Variants in DEPTOR observed in about 807,000 individuals in gnomAD.
DEPTOR encodes the protein DEP domain containing MTOR interacting protein.
In DEPTOR, 41 loss-of-function variants were observed where a neutral mutation model predicts 41.6. The observed-to-expected ratio is 0.98, with a 90% CI of 0.77 to 1.28. The LOEUF (loss-of-function observed/expected upper bound fraction) is 1.28. Ranked by LOEUF, DEPTOR falls within the 50% of genes most tolerant of loss-of-function variation. The pLI, the probability that DEPTOR is intolerant of heterozygous loss-of-function variation, is 0.00. For missense variants in DEPTOR, 514 were observed against 527.9 expected (o/e 0.97, Z 0.26); for synonymous variants, 195 against 192.3 (o/e 1.01, Z -0.12).
chr8:119,956,541 TG>T (rs1828418619), intron 3 of DEPTOR, among the ~76,000 whole-genome samples: 2 of 152,108 alleles, frequency 1.3e-5, no homozygotes, highest in Admixed American at 1.3e-4. Flanking sequence ...CCCCATCCAC[TG>T]GCCCTCCCCA....
In DEPTOR at chr8:120,003,002, CGTGTCTGCA is replaced by C. The variant is rs1317419299; in HGVS notation, c.820_828del (p.Ser274_Val276del). On this transcript the variant is annotated inframe_deletion, in exon 6 of 9. Transcript: ENST00000286234. ...TGAGCCCCAGCAAGGAGATCAAGAT[CGTGTCTGCA>C]GTGAGGAGAAGCAGCATGAGCAGCT... 2.5e-6 allele frequency: 4 copies of C among 1,586,478 alleles called. No individual in the cohort carries two copies. In the Admixed American group the frequency reaches 7.2e-5, roughly 29 times the overall value.
At chr8:120,030,497 G>GCTTTTT (rs1812870601) in intron 8 of DEPTOR, among the ~76,000 whole-genome samples, 1 of 46,192 alleles carries the variant, frequency 2.2e-5, no homozygotes, top group East Asian at 6.7e-4. Context: ...AGGTTCATCA[G>GCTTTTT]TTTTTTTTTT....
In DEPTOR at chr8:119,928,505, C is replaced by T. The variant is rs774968647; in HGVS notation, c.228C>T (p.His76=). ...AKELIDWLIE[H]KEASDRETAI... The stretch of plus-strand genomic sequence containing the variant: ...AACTGATTGACTGGCTGATTGAACA[C>T]AAAGAGGCTTCTGACAGAGAGACGG... Residue 76 remains histidine, a synonymous_variant, in exon 2 of 9, where the codon CAC becomes CAT. Transcript: ENST00000286234. 80 of 1,614,030 alleles carry T rather than the reference C, an allele frequency of 5.0e-5. No homozygotes were observed. Among genetic ancestry groups the T allele is most frequent in the Middle Eastern group, 1.6e-4 (1 of 6,084 alleles).
chr8:119,883,067 G>A (rs1827319190), intron 1 of DEPTOR, among the ~76,000 whole-genome samples: 1 of 152,130 alleles, frequency 6.6e-6, no homozygotes, highest in Admixed American at 6.6e-5. Context: ...GGATCAACTT[G>A]AGCTATTTTC....
Position 120,042,696 on chromosome 8 carries a change from T to G in DEPTOR, c.1102-6880T>G, listed in dbSNP as rs567873241. Among the ~76,000 whole-genome samples the G allele has an allele frequency of 2.0e-5, 3 of 151,848 alleles. No individual in the cohort carries two copies. In the South Asian group the frequency reaches 6.2e-4, roughly 32 times the overall value. On this transcript the variant is annotated intron_variant, in intron 8 of 8. Coordinates refer to ENST00000286234, the MANE Select transcript of DEPTOR (RefSeq NM_022783.4). Reference sequence around the variant, plus strand: ...ACGATGCCTGGCTAATTTTCGCATTTTTAGTAGAGACAGGGTCTCACCATG... The same window carrying G: ...ACGATGCCTGGCTAATTTTCGCATTGTTAGTAGAGACAGGGTCTCACCATG...
chr8:119,966,019 G>GA (rs911291457), intron 4 of DEPTOR, among the ~76,000 whole-genome samples: 1 of 152,038 alleles, frequency 6.6e-6, no homozygotes, highest in Non-Finnish European at 1.5e-5. Flanking sequence ...AAAATCTTTG[G>GA]AAAAAAGTCG....
At chr8:119,964,153 A>T (rs1257354377) in intron 3 of DEPTOR, among the ~76,000 whole-genome samples, 2 of 152,122 alleles carry the variant, frequency 1.3e-5, no homozygotes, top group African/African-American at 4.8e-5. Context: ...CAGCCTTGTA[A>T]CCTAACTACC....
intron 4 of DEPTOR, among the ~76,000 whole-genome samples, chr8:119,978,981 C>G (rs1189272304): frequency 2.0e-5 from 3 of 151,884 alleles, no homozygotes; most frequent in Non-Finnish European, 2.9e-5. Context: ...TGCTCACCCC[C>G]ACTCCAGCCA....
chr8:119,928,956 C>T (rs1828004996), intron 2 of DEPTOR, among the ~76,000 whole-genome samples: 1 of 152,116 alleles, frequency 6.6e-6, no homozygotes, highest in Non-Finnish European at 1.5e-5. Flanking sequence ...AGGAATGCAT[C>T]ATATTGTTTT....
intron 1 of DEPTOR, among the ~76,000 whole-genome samples, chr8:119,875,970 C>A (rs1389407191): frequency 6.6e-6 from 1 of 152,172 alleles, no homozygotes; most frequent in Admixed American, 6.5e-5. Flanking sequence ...CCCTTTAAAG[C>A]CTACTGTGGG....
intron 8 of DEPTOR, among the ~76,000 whole-genome samples, chr8:120,024,641 A>G (rs1296815143): frequency 3.9e-5 from 6 of 152,162 alleles, no homozygotes; most frequent in Non-Finnish European, 5.9e-5. Flanking sequence ...TGGTGCATCT[A>G]TAAGCCAAGG....
chr8:119,935,720 C>CAA (rs1263437669), intron 3 of DEPTOR, among the ~76,000 whole-genome samples: 1,950 of 111,710 alleles, frequency 0.017, 51 homozygotes, highest in African/African-American at 0.061. Context: ...GACTCCATCT[C>CAA]AAAAAAAAAA....
intron 3 of DEPTOR, among the ~76,000 whole-genome samples, chr8:119,963,288 A>G (rs538340020): frequency 2.6e-5 from 4 of 152,236 alleles, no homozygotes; most frequent in African/African-American, 9.6e-5. Context: ...TCGAAAACCA[A>G]TAGAGTGTGA....
At chr8:120,027,475 C>T (rs908833958) in intron 8 of DEPTOR, among the ~76,000 whole-genome samples, 22 of 150,580 alleles carry the variant, frequency 1.5e-4, no homozygotes, top group African/African-American at 5.4e-4. Flanking sequence ...GAGGGAGAGG[C>T]GGGTGGATCA....
chr8:119,936,163 T>G, intron 3 of DEPTOR, among the ~76,000 whole-genome samples: 1 of 152,212 alleles, frequency 6.6e-6, no homozygotes. Flanking sequence ...GAATTCCTAC[T>G]GCTTCCTTCA....
At chr8:119,895,619 T>G (rs1369953113) in intron 1 of DEPTOR, among the ~76,000 whole-genome samples, 1 of 152,178 alleles carries the variant, frequency 6.6e-6, no homozygotes, top group East Asian at 1.9e-4. Flanking sequence ...GGGGGCTTGA[T>G]TGAAGCTGCA....
chr8:119,898,938 T>C (rs1827553937), intron 1 of DEPTOR, among the ~76,000 whole-genome samples: 1 of 152,196 alleles, frequency 6.6e-6, no homozygotes, highest in Non-Finnish European at 1.5e-5. Flanking sequence ...TAAGGACTAA[T>C]GGGTTCTCTC....
chr8:119,985,753 C>G (rs1828820480), intron 4 of DEPTOR, among the ~76,000 whole-genome samples: 2 of 151,150 alleles, frequency 1.3e-5, no homozygotes, highest in African/African-American at 4.9e-5. Flanking sequence ...TTATGTAATG[C>G]CCTTCTTTGT....
chr8:120,019,988 A>G (rs891835622), intron 8 of DEPTOR, among the ~76,000 whole-genome samples: 1 of 152,130 alleles, frequency 6.6e-6, no homozygotes, highest in Admixed American at 6.6e-5. Flanking sequence ...TCACCCCGGT[A>G]TCCCCCATCA....
Sources: gnomAD v4.1 joint callset for allele counts (sites outside exome capture counted in the v4.1 genomes callset) on GRCh38, gnomAD v4.1.1 for gene constraint, MANE v1.5 for transcripts, NCBI Gene and HGNC (gene_info 2026-07-23, HGNC 2026-07-21) for gene names.